GALNT13: variants seen among roughly 807,000 people sequenced by gnomAD.
The protein encoded by GALNT13 is UDP-GalNAc:polypeptide N-acetylgalactosaminyltransferase 13.
In GALNT13, 28 loss-of-function variants were observed where a neutral mutation model predicts 64.2. The observed-to-expected ratio is 0.44, with a 90% CI of 0.32 to 0.60. GALNT13 has a LOEUF of 0.60. Among genes scored for constraint, GALNT13 ranks in the 20% least tolerant of loss-of-function variants. The pLI, the probability that GALNT13 is intolerant of heterozygous loss-of-function variation, is 0.05. For synonymous variants in GALNT13, 214 were observed against 224.6 expected, an observed-to-expected ratio of 0.95 and a Z score of 0.42; for missense variants, 577 against 669.8, an observed-to-expected ratio of 0.86 and a Z score of 1.53.
chr2:153,844,775 C>T, the GALNT13 span, among the ~76,000 whole-genome samples: 2 of 152,188 alleles, frequency 1.3e-5, no homozygotes, highest in Admixed American at 1.3e-4. Context: ...TTAGAAGCAG[C>T]CAGCCACATC....
intron 3 of GALNT13, among the ~76,000 whole-genome samples, chr2:154,088,507 A>G (rs924891077): frequency 2.0e-5 from 3 of 152,168 alleles, no homozygotes; most frequent in Non-Finnish European, 4.4e-5. Context: ...GCTGGAGTGC[A>G]ATGGCACGAT....
At chr2:153,563,365 C>G in the GALNT13 span, among the ~76,000 whole-genome samples, 17 of 152,124 alleles carry the variant, frequency 1.1e-4, no homozygotes, top group Non-Finnish European at 1.5e-4. Context: ...TGTTTATGCA[C>G]TATATTACGG....
chr2:154,175,595 A>G lies in GALNT13; in HGVS notation c.311+35090A>G, dbSNP rs1685601431. Among the ~76,000 whole-genome samples, 5 of 152,178 alleles carry G rather than the reference A, an allele frequency of 3.3e-5. No individual in the cohort carries two copies. In the South Asian group the frequency reaches 1.0e-3, roughly 31 times the overall value. ...GGGATTCTTAACCTTTAAATGCCAC[A>G]GGCTCCTTGGAAAATCTTGTTAAAA... On this transcript the variant is annotated intron_variant, in intron 4 of 12. Coordinates refer to ENST00000392825, the MANE Select transcript of GALNT13 (RefSeq NM_052917.4).
At chr2:153,242,968 A>T in the GALNT13 span, among the ~76,000 whole-genome samples, 1 of 152,330 alleles carries the variant, frequency 6.6e-6, no homozygotes, top group African/African-American at 2.4e-5. Context: ...GATTATCGAA[A>T]ATTACTTTGC....
chr2:153,254,071 G>C, the GALNT13 span, among the ~76,000 whole-genome samples: 1 of 152,140 alleles, frequency 6.6e-6, no homozygotes, highest in Non-Finnish European at 1.5e-5. Flanking sequence ...ACCTCTGGTA[G>C]AATTCGGCTG....
chr2:154,224,584 C>T lies in GALNT13; in HGVS notation c.312-17446C>T, dbSNP rs151143368. ...AATGCCATAGAGGAGCATGGATAGA[C>T]AAAATGAATGAAATAGAAAATATAC... On this transcript the variant is annotated intron_variant, in intron 4 of 12. Transcript: ENST00000392825. 7.2e-4 allele frequency among the ~76,000 whole-genome samples: 110 copies of T among 151,814 alleles called. No homozygotes were observed. In the East Asian group the frequency reaches 0.02, roughly 28 times the overall value.
intron 7 of GALNT13, among the ~76,000 whole-genome samples, chr2:154,248,627 G>C (rs1401477682): frequency 2.6e-5 from 4 of 152,062 alleles, no homozygotes; most frequent in African/African-American, 9.7e-5. Context: ...TTAAAAATGA[G>C]ATATTTTAAA....
the GALNT13 span, among the ~76,000 whole-genome samples, chr2:153,649,192 G>A: frequency 2.0e-5 from 3 of 152,116 alleles, no homozygotes; most frequent in Non-Finnish European, 4.4e-5. Flanking sequence ...TTTAGTCTTG[G>A]GAGGGTGTAT....
chr2:154,346,450 G>A (rs1253517005), intron 9 of GALNT13, among the ~76,000 whole-genome samples: 1 of 152,010 alleles, frequency 6.6e-6, no homozygotes, highest in East Asian at 1.9e-4. Context: ...TTGTGGGAGG[G>A]AGCCAGTGGG....
the GALNT13 span, among the ~76,000 whole-genome samples, chr2:153,710,848 TA>T: frequency 6.6e-6 from 1 of 152,128 alleles, no homozygotes; most frequent in African/African-American, 2.4e-5. Flanking sequence ...TTGTGTATTT[TA>T]TTTTTTTTAA....
At chr2:153,687,550 C>T in the GALNT13 span, among the ~76,000 whole-genome samples, 111,509 of 151,854 alleles carry the variant, frequency 0.73, 41,806 homozygotes, top group Middle Eastern at 0.81. Context: ...TTATCTCTTC[C>T]GTAGAAAGCA....
chr2:154,283,163 C>T (rs1481313125), intron 8 of GALNT13, among the ~76,000 whole-genome samples: 3 of 152,090 alleles, frequency 2.0e-5, no homozygotes, highest in East Asian at 1.9e-4. Context: ...CGGGATTTGT[C>T]ATCAGGCTAC....
chr2:153,735,721 C>G, the GALNT13 span, among the ~76,000 whole-genome samples: 1 of 152,168 alleles, frequency 6.6e-6, no homozygotes, highest in Non-Finnish European at 1.5e-5. Context: ...CCCATTGTTT[C>G]ACAGAGCAAT....
At chr2:154,143,013 C>G (rs1276633701) in intron 4 of GALNT13, among the ~76,000 whole-genome samples, 2 of 152,022 alleles carry the variant, frequency 1.3e-5, no homozygotes, top group Non-Finnish European at 2.9e-5. Context: ...CTGTAGTATG[C>G]TGTAGTGCAA....
intron 4 of GALNT13, among the ~76,000 whole-genome samples, chr2:154,149,579 T>C (rs892107305): frequency 1.3e-4 from 20 of 152,208 alleles, no homozygotes; most frequent in African/African-American, 4.3e-4. Flanking sequence ...TTCTTCCATT[T>C]CTTTGTATCC....
At chr2:153,672,824 GAAGA>G in the GALNT13 span, among the ~76,000 whole-genome samples, 4 of 147,768 alleles carry the variant, frequency 2.7e-5, no homozygotes, top group African/African-American at 1.0e-4. Context: ...GACTAATAAA[GAAGA>G]AATGAGAGAA....
the GALNT13 span, among the ~76,000 whole-genome samples, chr2:153,759,124 C>T: frequency 1.3e-5 from 2 of 152,104 alleles, no homozygotes; most frequent in Non-Finnish European, 2.9e-5. Context: ...CATAGAAACA[C>T]TACTGACTTT....
intron 3 of GALNT13, among the ~76,000 whole-genome samples, chr2:154,059,907 T>C (rs1700085038): frequency 3.9e-5 from 6 of 152,186 alleles, no homozygotes; most frequent in Admixed American, 3.9e-4. Context: ...ATGGTGAAGC[T>C]TGGGGAGCTG....
chr2:153,161,572 G>A, the GALNT13 span, among the ~76,000 whole-genome samples: 4 of 152,224 alleles, frequency 2.6e-5, no homozygotes, highest in Non-Finnish European at 4.4e-5. Flanking sequence ...AGACTTAAGA[G>A]AGAGTGTGTC....
Sources: gnomAD v4.1 joint callset for allele counts (sites outside exome capture counted in the v4.1 genomes callset) on GRCh38, gnomAD v4.1.1 for gene constraint, MANE v1.5 for transcripts, NCBI Gene and HGNC (gene_info 2026-07-23, HGNC 2026-07-21) for gene names.